DIP2B: variants seen among roughly 807,000 people sequenced by gnomAD.
DIP2B encodes the protein disco-interacting protein 2 homolog B.
DIP2B carries 76 observed loss-of-function variants against 198.0 expected under a neutral mutation model. That is an observed-to-expected ratio of 0.38 (90% CI 0.32 to 0.46). DIP2B has a LOEUF of 0.46. Among genes scored for constraint, DIP2B ranks in the 20% least tolerant of loss-of-function variants. DIP2B has a pLI of 0.99. For missense variants in DIP2B, 1,559 were observed against 1,978.4 expected, an observed-to-expected ratio of 0.79 and a Z score of 4.02; for synonymous variants, 701 against 739.1, an observed-to-expected ratio of 0.95 and a Z score of 0.84.
At chr12:50,599,069 T>C (rs1958913591) in intron 1 of DIP2B, among the ~76,000 whole-genome samples, 1 of 136,528 alleles carries the variant, frequency 7.3e-6, no homozygotes, top group Admixed American at 7.4e-5. Context: ...GTGGGCAGAT[T>C]GCTTGAGTCC....
Position 50,628,050 on chromosome 12 carries a change from A to G in DIP2B, c.172+2003A>G, listed in dbSNP as rs189897492. On this transcript the variant is annotated intron_variant, in intron 2 of 37. Coordinates refer to ENST00000301180, the MANE Select transcript of DIP2B (RefSeq NM_173602.3). The stretch of plus-strand genomic sequence containing the variant: ...GCAGTCTACCTGGTTGCAGTCAGTA[A>G]GGCACACAGTATCTGTAGAGAACTT... Among the ~76,000 whole-genome samples, 551 of 152,276 alleles carry G rather than the reference A, an allele frequency of 3.6e-3. 3 individuals are homozygous for G. The highest frequency in any genetic ancestry group is 0.013 in the African/African-American group (535 of 41,548).
intron 3 of DIP2B, among the ~76,000 whole-genome samples, chr12:50,642,200 C>G (rs929507652): frequency 2.0e-5 from 3 of 151,990 alleles, no homozygotes; most frequent in African/African-American, 7.3e-5. Flanking sequence ...GCTCAGAGAA[C>G]AAAGACATCC....
At chr12:50,657,022 A>G (rs764537334) in intron 3 of DIP2B, 2 of 152,176 alleles carry the variant, frequency 1.3e-5, no homozygotes, top group Non-Finnish European at 2.9e-5. Flanking sequence ...TACAGGGAAG[A>G]TTAACATGGC....
intron 1 of DIP2B, among the ~76,000 whole-genome samples, chr12:50,564,122 G>A (rs1354929554): frequency 5.7e-5 from 5 of 87,128 alleles, no homozygotes; most frequent in Non-Finnish European, 1.2e-4. Flanking sequence ...GGGTTCTTGC[G>A]TGTGTGTGTG....
intron 22 of DIP2B, among the ~76,000 whole-genome samples, chr12:50,709,525 C>G (rs1474710575): frequency 6.6e-6 from 1 of 151,966 alleles, no homozygotes; most frequent in Non-Finnish European, 1.5e-5. Flanking sequence ...GTAGTCCCAG[C>G]TACTCGGGAG....
At chr12:50,520,377 T>C (rs1312158477) in intron 1 of DIP2B, among the ~76,000 whole-genome samples, 1 of 152,180 alleles carries the variant, frequency 6.6e-6, no homozygotes, top group Non-Finnish European at 1.5e-5. Flanking sequence ...AAGGAATTGT[T>C]AGGTAGAAGC....
rs755520231 is a variant in DIP2B at position 50,671,415 on chromosome 12, C to T, written c.640+17C>T. 1.2e-6 allele frequency: 2 copies of T among 1,611,596 alleles called. No individual in the cohort carries two copies. Among genetic ancestry groups the T allele is most frequent in the Non-Finnish European group, 1.7e-6 (2 of 1,177,872 alleles). ...CTCGAATAGGTAGGAGCTGGATCTA[C>T]CCAAGAAGCCCAAATTACATTCCAT... On this transcript the variant is annotated intron_variant, in intron 5 of 37. Transcript: ENST00000301180.
chr12:50,579,833 C>G, intron 1 of DIP2B, among the ~76,000 whole-genome samples: 1 of 150,874 alleles, frequency 6.6e-6, no homozygotes, highest in East Asian at 1.9e-4. Context: ...GTATTTCCTT[C>G]TCACTTCCCT....
chr12:50,660,054 A>T, intron 3 of DIP2B, 140 bp from the exon 4 acceptor site: 1 of 914,612 alleles, frequency 1.1e-6, no homozygotes, highest in Non-Finnish European at 1.5e-6. Flanking sequence ...GTCTTAATCA[A>T]ATTATAAATA....
chr12:50,734,220 C>T lies in DIP2B; in HGVS notation c.4043+24C>T, dbSNP rs375744922. 32 of 1,612,604 alleles carry T rather than the reference C, an allele frequency of 2.0e-5. No homozygotes were observed. The African/African-American group carries it at 4.0e-4, about 20-fold the overall frequency. On this transcript the variant is annotated intron_variant, in intron 33 of 37. Coordinates refer to ENST00000301180, the MANE Select transcript of DIP2B (RefSeq NM_173602.3). ...AGGTACAACAGATTTATTAATGCTC[C>T]TTTCCTACTAGTTCCTAAGCATAAC... is the stretch of plus-strand genomic sequence containing the variant.
At chr12:50,742,184 G>A (rs1940256691) in intron 37 of DIP2B, among the ~76,000 whole-genome samples, 1 of 151,752 alleles carries the variant, frequency 6.6e-6, no homozygotes, top group African/African-American at 2.4e-5. Flanking sequence ...GATCGCTTAA[G>A]CCCAGGAATC....
intron 1 of DIP2B, among the ~76,000 whole-genome samples, chr12:50,618,345 G>C (rs1450370966): frequency 1.3e-5 from 2 of 152,166 alleles, no homozygotes; most frequent in African/African-American, 4.8e-5. Context: ...CCTCAGGTTA[G>C]GCTGCAGGAG....
intron 1 of DIP2B, among the ~76,000 whole-genome samples, chr12:50,536,586 G>C (rs983291579): frequency 7.4e-5 from 7 of 93,984 alleles, no homozygotes; most frequent in Non-Finnish European, 1.2e-4. Context: ...TTTTTTTTTT[G>C]AGACAGGGTC....
At chr12:50,666,878 C>T (rs573874089) in intron 4 of DIP2B, among the ~76,000 whole-genome samples, 1 of 152,180 alleles carries the variant, frequency 6.6e-6, no homozygotes, top group African/African-American at 2.4e-5. Context: ...AAAAATTAGC[C>T]GGGCATGGTG....
At chr12:50,720,856 C>G (rs1939822812) in intron 25 of DIP2B, among the ~76,000 whole-genome samples, 1 of 152,006 alleles carries the variant, frequency 6.6e-6, no homozygotes, top group Non-Finnish European at 1.5e-5. Flanking sequence ...ATTATTTTTT[C>G]TTTTTTGAGA....
intron 1 of DIP2B, among the ~76,000 whole-genome samples, chr12:50,512,900 G>A (rs533820899): frequency 5.3e-5 from 8 of 152,244 alleles, no homozygotes; most frequent in South Asian, 2.1e-4. Flanking sequence ...CCAGCTACTC[G>A]GGAGGCTGAG....
At chr12:50,658,832 T>C (rs1244343234) in intron 3 of DIP2B, among the ~76,000 whole-genome samples, 4 of 152,192 alleles carry the variant, frequency 2.6e-5, no homozygotes, top group Non-Finnish European at 4.4e-5. Flanking sequence ...CTCACGCCTG[T>C]AATCCCAGCA....
At chr12:50,603,094 G>A (rs1958952501) in intron 1 of DIP2B, among the ~76,000 whole-genome samples, 1 of 151,758 alleles carries the variant, frequency 6.6e-6, no homozygotes, top group Admixed American at 6.6e-5. Context: ...AACCCGGGAG[G>A]TGGAGCTTGC....
chr12:50,733,988 G>A (rs1940093981), intron 32 of DIP2B, 147 bp from the exon 33 acceptor site: 2 of 774,736 alleles, frequency 2.6e-6, no homozygotes, highest in African/African-American at 1.7e-5. Flanking sequence ...CGTGATAAGA[G>A]TGAGAGCAGG....
Sources: allele counts gnomAD v4.1 joint callset (sites outside exome capture counted in the v4.1 genomes callset), GRCh38; gene constraint gnomAD v4.1.1; transcripts MANE v1.5; gene names NCBI Gene and HGNC (gene_info 2026-07-23, HGNC 2026-07-21).